Variants in FTO observed in about 807,000 individuals in gnomAD.
The protein encoded by FTO is FTO alpha-ketoglutarate dependent dioxygenase, also known as alpha-ketoglutarate-dependent dioxygenase FTO.
Under a neutral mutation model 63.9 loss-of-function variants are expected in FTO, and 47 were observed. The observed-to-expected ratio is 0.74, with a 90% CI of 0.58 to 0.94. The LOEUF is 0.94. Ranked by LOEUF, FTO falls within the 40% of genes least tolerant of loss-of-function variation. The probability of loss-of-function intolerance (pLI) is 0.00; values close to 1 mark genes in which losing one functional copy is unlikely to be tolerated. For missense variants in FTO, 562 were observed against 618.1 expected, an observed-to-expected ratio of 0.91 and a Z score of 0.96; for synonymous variants, 207 against 224.4, an observed-to-expected ratio of 0.92 and a Z score of 0.69.
intron 1 of FTO, among the ~76,000 whole-genome samples, chr16:53,749,066 T>C (rs7405441): frequency 0.31 from 47,789 of 152,116 alleles, 9,144 homozygotes; most frequent in African/African-American, 0.53. Flanking sequence ...GTGCCCAGCC[T>C]TGTAGCTATT....
rs1321908622 is a variant in FTO at position 53,909,478 on chromosome 16, A to C, written c.1239+20527A>C. Among the ~76,000 whole-genome samples, 4 of 144,888 alleles carry C rather than the reference A, an allele frequency of 2.8e-5. No individual in the cohort carries two copies. In the East Asian group the frequency reaches 8.9e-4, roughly 32 times the overall value. On this transcript the variant is annotated intron_variant, in intron 7 of 8. Transcript: ENST00000471389. ...TCAATTGTGCCTTGAAAGGTGAATT[A>C]GATTTTAACAGGCAGAGATTTGGTG...
chr16:53,864,453 G>A (rs758882721), intron 4 of FTO, among the ~76,000 whole-genome samples: 28 of 152,178 alleles, frequency 1.8e-4, no homozygotes, highest in Non-Finnish European at 2.9e-4. Flanking sequence ...TCGTGAACAT[G>A]AATTGGTTAC....
At position 53,911,927 on chromosome 16, in the gene FTO, G is replaced by A. The variant is rs144511388; in HGVS notation, c.1240-22058G>A. Among the ~76,000 whole-genome samples the A allele has an allele frequency of 1.3e-3, 204 of 152,318 alleles. 1 individual carries two copies. The highest frequency in any genetic ancestry group is 2.5e-3 in the Non-Finnish European group (167 of 68,026). ...TGATTAATTTGGTCTCTAAGGCCAA[G>A]GAAACTGTTAATGCTGTATATCAGT... On this transcript the variant is annotated intron_variant, in intron 7 of 8. Coordinates refer to ENST00000471389, the MANE Select transcript of FTO (RefSeq NM_001080432.3).
chr16:53,762,910 A>T (rs924760671), intron 1 of FTO, among the ~76,000 whole-genome samples: 3 of 152,226 alleles, frequency 2.0e-5, no homozygotes, highest in African/African-American at 7.2e-5. Context: ...ATGATTTACC[A>T]TGCCTCAAAA....
intron 7 of FTO, among the ~76,000 whole-genome samples, chr16:53,920,839 G>T (rs1232537592): frequency 6.6e-6 from 1 of 152,082 alleles, no homozygotes; most frequent in Non-Finnish European, 1.5e-5. Context: ...TGCCACTCTG[G>T]GGGGACCAGT....
Position 54,117,797 on chromosome 16 carries a change from T to A in FTO, c.*5882T>A, listed in dbSNP as rs2086983027. 2.0e-5 allele frequency: 3 copies of A among 152,262 alleles called. No homozygotes were observed. Among genetic ancestry groups the A allele is most frequent in the Admixed American group, 6.5e-5 (1 of 15,288 alleles). 9.4% of individuals were successfully genotyped at this position (152,262 alleles called of 1,614,324 possible). ...ATTCTTGCCATCACCTTCTAATGGA[T>A]GATCTGTGTACAACAATTGTTTATT... On this transcript the variant is annotated 3_prime_UTR_variant, in exon 9 of 9. Coordinates refer to ENST00000471389, the MANE Select transcript of FTO (RefSeq NM_001080432.3).
At chr16:54,104,917 C>T (rs2086715651) in intron 8 of FTO, among the ~76,000 whole-genome samples, 1 of 152,094 alleles carries the variant, frequency 6.6e-6, no homozygotes, top group African/African-American at 2.4e-5. Flanking sequence ...GATTGATCAG[C>T]GAGGTTTTAA....
At chr16:53,985,430 G>A (rs2083643382) in intron 8 of FTO, among the ~76,000 whole-genome samples, 2 of 152,100 alleles carry the variant, frequency 1.3e-5, no homozygotes, top group South Asian at 4.1e-4. Context: ...CCTCAGCCAG[G>A]GAATTGCCAC....
At chr16:53,729,824 A>G (rs1184244566) in intron 1 of FTO, among the ~76,000 whole-genome samples, 2 of 151,968 alleles carry the variant, frequency 1.3e-5, no homozygotes, top group Non-Finnish European at 2.9e-5. Context: ...CACAAATGCC[A>G]CCTCTTCTGA....
rs772683617 is a variant in FTO at position 54,036,525 on chromosome 16, C to A, written c.1365-75237C>A. 1.8e-4 allele frequency among the ~76,000 whole-genome samples: 27 copies of A among 152,248 alleles called. 1 individual carries two copies. Among genetic ancestry groups the A allele is most frequent in the South Asian group, 1.7e-3 (8 of 4,824 alleles). ...TTTTGCTTAAAATTCCAAACTCAAT[C>A]AAAAATGAGTTCATTTCTAAAAATG... On this transcript the variant is annotated intron_variant, in intron 8 of 8. Coordinates refer to ENST00000471389, the MANE Select transcript of FTO (RefSeq NM_001080432.3).
At chr16:53,789,201 A>C (rs1245225221) in intron 1 of FTO, among the ~76,000 whole-genome samples, 2 of 152,318 alleles carry the variant, frequency 1.3e-5, no homozygotes, top group East Asian at 3.9e-4. Context: ...TAATATAATA[A>C]CAGAGCTCTA....
At chr16:53,724,068 A>C (rs1173420065) in intron 1 of FTO, among the ~76,000 whole-genome samples, 1 of 152,250 alleles carries the variant, frequency 6.6e-6, no homozygotes, top group Non-Finnish European at 1.5e-5. Context: ...GTGAACAGGG[A>C]AAGTAGAACC....
At chr16:53,907,565 G>C (rs1313923012) in intron 7 of FTO, among the ~76,000 whole-genome samples, 2 of 152,144 alleles carry the variant, frequency 1.3e-5, no homozygotes, top group African/African-American at 4.8e-5. Flanking sequence ...TTGAAAAATT[G>C]TAAGTCAGAC....
intron 6 of FTO, among the ~76,000 whole-genome samples, chr16:53,883,643 A>AG (rs1482033717): frequency 1.3e-5 from 2 of 150,512 alleles, no homozygotes; most frequent in Admixed American, 1.3e-4. Context: ...AAACAAAAAA[A>AG]AAAAAACAAA....
intron 8 of FTO, among the ~76,000 whole-genome samples, chr16:53,936,681 A>G (rs1250415957): frequency 1.3e-5 from 2 of 152,228 alleles, no homozygotes; most frequent in African/African-American, 4.8e-5. Context: ...AGGCCAAGCA[A>G]TAGGTTACAG....
chr16:53,844,989 C>A (rs367562344), intron 4 of FTO, among the ~76,000 whole-genome samples: 23 of 151,316 alleles, frequency 1.5e-4, no homozygotes, highest in Non-Finnish European at 2.4e-4. Context: ...GCCTTTCTCT[C>A]GACTTGTCAT....
chr16:53,964,434 A>G (rs2083151576), intron 8 of FTO, among the ~76,000 whole-genome samples: 1 of 152,214 alleles, frequency 6.6e-6, no homozygotes, highest in Non-Finnish European at 1.5e-5. Context: ...CCAGAACACA[A>G]CCAATATGTT....
intron 8 of FTO, among the ~76,000 whole-genome samples, chr16:54,066,504 C>T (rs542273905): frequency 1.4e-4 from 22 of 152,296 alleles, no homozygotes; most frequent in African/African-American, 5.1e-4. Context: ...GCTGCAGTTC[C>T]GGGGAAAATC....
chr16:53,767,197 C>T (rs891478615), intron 1 of FTO, among the ~76,000 whole-genome samples: 1 of 152,160 alleles, frequency 6.6e-6, no homozygotes, highest in Non-Finnish European at 1.5e-5. Flanking sequence ...TACGCACTGT[C>T]CAGAAGCATT....
Sources: allele counts gnomAD v4.1 joint callset (sites outside exome capture counted in the v4.1 genomes callset), GRCh38; gene constraint gnomAD v4.1.1; transcripts MANE v1.5; gene names NCBI Gene and HGNC (gene_info 2026-07-23, HGNC 2026-07-21).